Variants in PGPEP1L observed in about 807,000 individuals in gnomAD.
PGPEP1L encodes the protein pyroglutamyl-peptidase 1-like protein.
In PGPEP1L, 7 loss-of-function variants were observed where a neutral mutation model predicts 6.0. That is an observed-to-expected ratio of 1.17 (90% CI 0.66 to 2.19). The LOEUF (loss-of-function observed/expected upper bound fraction) is 2.19, where lower values mean the gene tolerates loss of function less well. PGPEP1L is among the 30% of genes most tolerant of loss of function. The probability of loss-of-function intolerance (pLI) is 0.00; values close to 1 mark genes in which losing one functional copy is unlikely to be tolerated. For synonymous variants in PGPEP1L, 103 were observed against 83.9 expected (o/e 1.23, Z -1.24); for missense variants, 209 against 192.5 (o/e 1.09, Z -0.51).
At chr15:98,987,147 CAG>C (rs1406887869) in intron 2 of PGPEP1L, among the ~76,000 whole-genome samples, 2 of 104,020 alleles carry the variant, frequency 1.9e-5, no homozygotes, top group Non-Finnish European at 3.4e-5. Flanking sequence ...GCCTGGGTGA[CAG>C]AGTGAGACTC....
At chr15:98,975,912 A>G (rs1195353518) in intron 2 of PGPEP1L, among the ~76,000 whole-genome samples, 1 of 151,530 alleles carries the variant, frequency 6.6e-6, no homozygotes, top group African/African-American at 2.4e-5. Flanking sequence ...ATGTACAACT[A>G]TTATGTATTA....
chr15:99,000,674 A>G (rs971549624), intron 2 of PGPEP1L, among the ~76,000 whole-genome samples: 2 of 152,072 alleles, frequency 1.3e-5, no homozygotes, highest in African/African-American at 2.4e-5. Context: ...TCTGTATCTA[A>G]CTAATCTAGT....
chr15:98,991,095 G>A (rs1395523105), intron 2 of PGPEP1L, among the ~76,000 whole-genome samples: 1 of 151,646 alleles, frequency 6.6e-6, no homozygotes, highest in African/African-American at 2.4e-5. Flanking sequence ...CGGAAGACAA[G>A]AAATAACTAA....
chr15:98,969,500 CCT>C lies in PGPEP1L; in HGVS notation c.132_133del (p.Val46LeufsTer28), dbSNP rs1190216178. 13 of 1,614,074 alleles carry C rather than the reference CCT, an allele frequency of 8.1e-6. No homozygotes were observed. Among genetic ancestry groups the C allele is most frequent in the South Asian group, 3.3e-5 (3 of 91,084 alleles). On this transcript the variant is annotated frameshift_variant, in exon 4 of 5. Transcript: ENST00000535714. LOFTEE classifies it high-confidence loss of function. ...CTTGCAGACTGCCTTCATGCAGACCCCTGACTCCAGCACGTCTGGGCTGCCAG... is the reference window on the plus strand; with the variant it reads ...CTTGCAGACTGCCTTCATGCAGACCCGACTCCAGCACGTCTGGGCTGCCAG...
At position 98,968,230 on chromosome 15, in the gene PGPEP1L, G is replaced by C; in HGVS notation, c.*248C>G. On this transcript the variant is annotated 3_prime_UTR_variant, in exon 5 of 5. Coordinates refer to ENST00000535714, the MANE Select transcript of PGPEP1L (RefSeq NM_001167902.2). ...TGTAGATTTTTGGAAGAAAACAGAT[G>C]ACTCGGATTTCATTTTATTGTCATG... 1 of 460,666 alleles carries C rather than the reference G, an allele frequency of 2.2e-6. No homozygotes were observed. Among genetic ancestry groups the C allele is most frequent in the Non-Finnish European group, 3.9e-6 (1 of 253,816 alleles). 28.5% of individuals were successfully genotyped at this position (460,666 alleles called of 1,614,324 possible).
chr15:99,000,625 C>G (rs1180336403), intron 2 of PGPEP1L, among the ~76,000 whole-genome samples: 14 of 152,194 alleles, frequency 9.2e-5, no homozygotes, highest in African/African-American at 3.1e-4. Context: ...CTGTATCTAG[C>G]TACTCTGGTG....
At chr15:99,006,814 C>CT (rs141239801) in intron 1 of PGPEP1L, among the ~76,000 whole-genome samples, 14,808 of 152,100 alleles carry the variant, frequency 0.097, 834 homozygotes, top group African/African-American at 0.12. Context: ...TATTCTTAAA[C>CT]TTTTTTTTAA....
intron 1 of PGPEP1L, among the ~76,000 whole-genome samples, chr15:99,006,997 T>C (rs1567247019): frequency 6.6e-6 from 1 of 152,150 alleles, no homozygotes; most frequent in Admixed American, 6.5e-5. Context: ...CGTGGCTCCA[T>C]CTGCTGAATT....
chr15:98,991,811 A>G lies in PGPEP1L; in HGVS notation c.-142+13618T>C, dbSNP rs375149915. Among the ~76,000 whole-genome samples the G allele has an allele frequency of 1.3e-4, 20 of 152,366 alleles. No individual in the cohort carries two copies. In the East Asian group the frequency reaches 1.7e-3, roughly 13 times the overall value. ...AAGGCTGGTTCAACATATGCAAATC[A>G]ATAAATGTAAGCCATCACATAAACA... On this transcript the variant is annotated intron_variant, in intron 2 of 4. Transcript: ENST00000535714.
At chr15:98,980,156 C>G (rs2017636823) in intron 2 of PGPEP1L, among the ~76,000 whole-genome samples, 2 of 152,156 alleles carry the variant, frequency 1.3e-5, no homozygotes, top group African/African-American at 4.8e-5. Context: ...TGACCAAATA[C>G]CACCTGTTCC....
At chr15:98,975,065 C>T (rs1483673640) in intron 2 of PGPEP1L, among the ~76,000 whole-genome samples, 1 of 151,528 alleles carries the variant, frequency 6.6e-6, no homozygotes, top group Non-Finnish European at 1.5e-5. Context: ...ATGAAATCAA[C>T]CTAAGTGCCC....
chr15:98,972,741 G>A (rs537053674), intron 2 of PGPEP1L, among the ~76,000 whole-genome samples: 1 of 151,988 alleles, frequency 6.6e-6, no homozygotes, highest in South Asian at 2.1e-4. Context: ...CATGGTGGCA[G>A]GCACCTGTAG....
At chr15:98,984,826 C>T (rs932831230) in intron 2 of PGPEP1L, among the ~76,000 whole-genome samples, 6 of 151,926 alleles carry the variant, frequency 3.9e-5, no homozygotes, top group African/African-American at 1.2e-4. Context: ...TCTGCCCAGA[C>T]GAAAATACCA....
chr15:98,978,243 G>A (rs996366467), intron 2 of PGPEP1L, among the ~76,000 whole-genome samples: 1 of 152,212 alleles, frequency 6.6e-6, no homozygotes, highest in Non-Finnish European at 1.5e-5. Context: ...CGCTGTGTGT[G>A]AGCACTAGGG....
Position 99,007,627 on chromosome 15 carries a change from G to C in PGPEP1L, c.-638C>G, listed in dbSNP as rs1555473988. 4 of 152,036 alleles carry C rather than the reference G, an allele frequency of 2.6e-5. No individual in the cohort carries two copies. Among genetic ancestry groups the C allele is most frequent in the Admixed American group, 2.6e-4 (4 of 15,262 alleles). 9.4% of individuals were successfully genotyped at this position (152,036 alleles called of 1,614,324 possible). A position where few individuals can be genotyped will look rare whatever the true frequency, so the allele number is the denominator to read the frequency against. On this transcript the variant is annotated 5_prime_UTR_variant, in exon 1 of 5. Coordinates refer to ENST00000535714, the MANE Select transcript of PGPEP1L (RefSeq NM_001167902.2). ...TGGAGTTATTCGTTTCTCCCGGTGG[G>C]TCCGTGATGTGGCTGGCTTTAAGAA...
chr15:98,998,333 C>G (rs2017916071), intron 2 of PGPEP1L, among the ~76,000 whole-genome samples: 1 of 152,164 alleles, frequency 6.6e-6, no homozygotes, highest in Non-Finnish European at 1.5e-5. Context: ...GAGGCTGCAA[C>G]TGTGCCAACC....
intron 2 of PGPEP1L, among the ~76,000 whole-genome samples, chr15:98,980,371 G>A (rs2017640594): frequency 6.6e-6 from 1 of 152,166 alleles, no homozygotes; most frequent in South Asian, 2.1e-4. Flanking sequence ...GGAGGAGACA[G>A]ACTTTCAAAA....
At chr15:99,000,340 C>T (rs1555472841) in intron 2 of PGPEP1L, among the ~76,000 whole-genome samples, 2 of 152,228 alleles carry the variant, frequency 1.3e-5, no homozygotes, top group South Asian at 2.1e-4. Flanking sequence ...TGGCCCCCTG[C>T]TCCACGGCGC....
intron 2 of PGPEP1L, among the ~76,000 whole-genome samples, chr15:98,994,173 G>A (rs1208089043): frequency 1.3e-5 from 2 of 152,104 alleles, no homozygotes; most frequent in African/African-American, 4.8e-5. Flanking sequence ...GACTGAGGCA[G>A]GAGAATAGCT....
Sources: gnomAD v4.1 joint callset for allele counts (sites outside exome capture counted in the v4.1 genomes callset) on GRCh38, gnomAD v4.1.1 for gene constraint, MANE v1.5 for transcripts, NCBI Gene and HGNC (gene_info 2026-07-23, HGNC 2026-07-21) for gene names.